SUGCT: variants seen among roughly 807,000 people sequenced by gnomAD.
SUGCT encodes succinyl-CoA:glutarate-CoA transferase, also known as succinyl-CoA:glutarate CoA-transferase.
SUGCT carries 41 observed loss-of-function variants against 55.0 expected under a neutral mutation model. The ratio of observed to expected loss-of-function variants is 0.74; its 90% CI spans 0.58 to 0.97. The LOEUF is 0.97. SUGCT is among the 50% of genes least tolerant of loss of function. SUGCT has a pLI of 0.00. For synonymous variants in SUGCT, 187 were observed against 200.4 expected, an observed-to-expected ratio of 0.93 and a Z score of 0.56; for missense variants, 568 against 547.8, an observed-to-expected ratio of 1.04 and a Z score of -0.37.
chr7:40,989,301 C>T, the SUGCT span, among the ~76,000 whole-genome samples: 109,976 of 152,076 alleles, frequency 0.72, 40,340 homozygotes, highest in Middle Eastern at 0.81. Flanking sequence ...GTCAGTCCTC[C>T]CAAATTCTAC....
At chr7:40,412,816 T>C (rs1236612807) in intron 9 of SUGCT, among the ~76,000 whole-genome samples, 1 of 152,192 alleles carries the variant, frequency 6.6e-6, no homozygotes, top group Non-Finnish European at 1.5e-5. Flanking sequence ...TCTTAGCTCA[T>C]CTTTACTTTC....
the SUGCT span, among the ~76,000 whole-genome samples, chr7:40,928,131 T>TC: frequency 2.0e-5 from 3 of 151,960 alleles, no homozygotes; most frequent in Non-Finnish European, 2.9e-5. Flanking sequence ...TTATTTTTTT[T>TC]CCCACCCATT....
chr7:40,977,072 G>A, the SUGCT span, among the ~76,000 whole-genome samples: 22 of 152,328 alleles, frequency 1.4e-4, no homozygotes, highest in Admixed American at 1.4e-3. Flanking sequence ...AAAATAGGCT[G>A]ACTAGCAATG....
chr7:40,739,304 ATGT>A (rs1787342338), intron 12 of SUGCT, among the ~76,000 whole-genome samples: 1 of 152,118 alleles, frequency 6.6e-6, no homozygotes, highest in Admixed American at 6.6e-5. Context: ...TGCTTCTAGA[ATGT>A]TGTCATTTCA....
intron 12 of SUGCT, among the ~76,000 whole-genome samples, chr7:40,714,866 T>G (rs1322300818): frequency 6.6e-6 from 1 of 152,226 alleles, no homozygotes; most frequent in African/African-American, 2.4e-5. Flanking sequence ...AGCCATACTT[T>G]TCTCCTTCCG....
At chr7:40,617,186 T>C (rs1158646533) in intron 12 of SUGCT, among the ~76,000 whole-genome samples, 1 of 152,126 alleles carries the variant, frequency 6.6e-6, no homozygotes, top group East Asian at 1.9e-4. Flanking sequence ...CTTTGAAAAA[T>C]GGATGAACAC....
At chr7:40,482,390 T>C (rs1791100984) in intron 11 of SUGCT, among the ~76,000 whole-genome samples, 1 of 92,662 alleles carries the variant, frequency 1.1e-5, no homozygotes, top group Non-Finnish European at 1.9e-5. Flanking sequence ...AAAGTAAACA[T>C]CCACAATTTA....
intron 7 of SUGCT, among the ~76,000 whole-genome samples, chr7:40,250,433 T>C (rs2150929560): frequency 6.6e-6 from 1 of 151,500 alleles, no homozygotes; most frequent in East Asian, 1.9e-4. Context: ...TTATATATAA[T>C]ACATATTTAT....
intron 12 of SUGCT, among the ~76,000 whole-genome samples, chr7:40,507,606 G>T (rs1792681229): frequency 6.6e-6 from 1 of 152,114 alleles, no homozygotes; most frequent in African/African-American, 2.4e-5. Flanking sequence ...TAGTTGCCCA[G>T]ACTTCCATGG....
chr7:40,989,686 G>A, the SUGCT span, among the ~76,000 whole-genome samples: 8 of 151,964 alleles, frequency 5.3e-5, no homozygotes, highest in Admixed American at 3.3e-4. Flanking sequence ...CAGAAGAATC[G>A]CTGGAACCTG....
At chr7:40,749,373 C>A in intron 12 of SUGCT, 61 bp from the exon 13 acceptor site, 1 of 1,341,018 alleles carries the variant, frequency 7.5e-7, no homozygotes, top group South Asian at 1.2e-5. Flanking sequence ...CTGTCCATGC[C>A]TTGCAATTGA....
At chr7:40,405,767 G>A (rs1029918008) in intron 9 of SUGCT, among the ~76,000 whole-genome samples, 24 of 143,268 alleles carry the variant, frequency 1.7e-4, no homozygotes, top group Non-Finnish European at 2.2e-4. Context: ...CGGAGATAGC[G>A]CCACTGTACT....
chr7:40,776,241 C>G (rs1444955617), intron 13 of SUGCT, among the ~76,000 whole-genome samples: 3 of 152,308 alleles, frequency 2.0e-5, no homozygotes, highest in Non-Finnish European at 4.4e-5. Context: ...TTTTCTCTTT[C>G]CCACGCTGCC....
At chr7:40,639,793 G>A (rs1055535711) in intron 12 of SUGCT, among the ~76,000 whole-genome samples, 3 of 151,966 alleles carry the variant, frequency 2.0e-5, no homozygotes, top group African/African-American at 7.3e-5. Context: ...GATTACAGGC[G>A]TGAGCCACTG....
the SUGCT span, among the ~76,000 whole-genome samples, chr7:40,999,004 T>C: frequency 6.6e-6 from 1 of 152,172 alleles, no homozygotes; most frequent in Non-Finnish European, 1.5e-5. Flanking sequence ...TGTAAATATA[T>C]ACCCAATGCA....
chr7:40,180,977 T>A lies in SUGCT; in HGVS notation c.131T>A (p.Val44Glu). The A allele has an allele frequency of 1.9e-6, 3 of 1,610,752 alleles. No individual in the cohort carries two copies. Among genetic ancestry groups the A allele is most frequent in the Non-Finnish European group, 2.5e-6 (3 of 1,177,312 alleles). Residue 44 changes from valine (V) to glutamate (E), a missense_variant, in exon 2 of 14, where the codon GTA (valine) becomes GAA (glutamate). Val to Glu is a moderately radical substitution (Grantham distance 121). Coordinates refer to ENST00000335693, the MANE Select transcript of SUGCT (RefSeq NM_001193313.2). Reference sequence around the variant, plus strand: ...AACAATATAAAGCCATTGGAAGGGGTAAAAATTCTGGATCTAACAAGGTTT... The same window carrying A: ...AACAATATAAAGCCATTGGAAGGGGAAAAAATTCTGGATCTAACAAGGTTT... ...DMNNIKPLEG[V>E]KILDLTRVLA...
At chr7:41,007,530 C>G in the SUGCT span, among the ~76,000 whole-genome samples, 2 of 152,166 alleles carry the variant, frequency 1.3e-5, no homozygotes, top group Admixed American at 6.5e-5. Flanking sequence ...GAACCGGATG[C>G]AATGCTTTGG....
At chr7:40,426,837 A>ATCTCT (rs1160263466) in intron 9 of SUGCT, among the ~76,000 whole-genome samples, 4 of 151,852 alleles carry the variant, frequency 2.6e-5, no homozygotes, top group Non-Finnish European at 4.4e-5. Context: ...TTTAAGAGAT[A>ATCTCT]GGGTCTTGCT....
At chr7:40,603,147 CA>C (rs1798369670) in intron 12 of SUGCT, among the ~76,000 whole-genome samples, 2 of 152,096 alleles carry the variant, frequency 1.3e-5, no homozygotes, top group African/African-American at 4.8e-5. Context: ...CTCTATTTTT[CA>C]AAGAAATGCA....
Sources: gnomAD v4.1 joint callset for allele counts (sites outside exome capture counted in the v4.1 genomes callset) on GRCh38, gnomAD v4.1.1 for gene constraint, MANE v1.5 for transcripts, NCBI Gene and HGNC (gene_info 2026-07-23, HGNC 2026-07-21) for gene names.